TAC4: variants seen among roughly 807,000 people sequenced by gnomAD.
TAC4 encodes the protein tachykinin precursor 4.
A neutral mutation model predicts 17.7 loss-of-function variants in TAC4; 17 were observed. The observed-to-expected ratio is 0.96, with a 90% CI of 0.66 to 1.44. The LOEUF (loss-of-function observed/expected upper bound fraction) is 1.44, where lower values mean the gene tolerates loss of function less well. Ranked by LOEUF, TAC4 falls within the 40% of genes most tolerant of loss-of-function variation. TAC4 has a pLI of 0.00. For missense variants in TAC4, 118 were observed against 125.6 expected, an observed-to-expected ratio of 0.94 and a Z score of 0.29; for synonymous variants, 62 against 52.4, an observed-to-expected ratio of 1.18 and a Z score of -0.79.
intron 2 of TAC4, 117 bp from the exon 3 acceptor site, chr17:49,841,701 T>C (rs2074499487): frequency 1.9e-6 from 2 of 1,040,014 alleles, no homozygotes; most frequent in African/African-American, 3.4e-5. Flanking sequence ...TTCAGTAGAA[T>C]TCTAGTCATC....
At chr17:49,846,337 C>A in intron 1 of TAC4, 1 of 876,822 alleles carries the variant, frequency 1.1e-6, no homozygotes, top group Non-Finnish European at 1.6e-6. Flanking sequence ...AGTGCAGCAG[C>A]ACAAGCACGA....
At chr17:49,844,594 A>C (rs1197341596) in intron 1 of TAC4, among the ~76,000 whole-genome samples, 1 of 152,022 alleles carries the variant, frequency 6.6e-6, no homozygotes, top group Non-Finnish European at 1.5e-5. Flanking sequence ...CCCGTCTCTA[A>C]TAAAAATACA....
At position 49,847,954 on chromosome 17, in the gene TAC4, C is replaced by A; in HGVS notation, c.64G>T (p.Gly22Cys). Reference protein sequence around the residue: ...ELSVCTVAGDGGEEQTLSTEA... With the variant: ...ELSVCTVAGDCGEEQTLSTEA... ...GTGCTGAGTGTCTGTTCCTCTCCAC[C>A]ATCACCTGCCACAGTGCACACGGAC... The change falls in exon 1 of 5, where the codon GGT becomes TGT. Residue 22 changes from glycine (G) to cysteine (C), a missense_variant. Gly to Cys is a radical substitution (Grantham distance 159). Coordinates refer to ENST00000436235, the MANE Select transcript of TAC4 (RefSeq NM_001077506.2). 1.9e-6 allele frequency: 3 copies of A among 1,614,210 alleles called. No individual in the cohort carries two copies. The highest frequency in any genetic ancestry group is 2.5e-6 in the Non-Finnish European group (3 of 1,180,040).
intron 2 of TAC4, among the ~76,000 whole-genome samples, chr17:49,843,112 C>G (rs1177560802): frequency 6.6e-6 from 1 of 152,206 alleles, no homozygotes; most frequent in Non-Finnish European, 1.5e-5. Context: ...AAGCGAGACT[C>G]TGGGTCAGAA....
intron 3 of TAC4, 90 bp from the exon 4 acceptor site, chr17:49,839,999 G>A (rs2074485024): frequency 1.5e-6 from 2 of 1,311,580 alleles, no homozygotes; most frequent in South Asian, 1.3e-5. Context: ...CAGGGCCAGG[G>A]CGAGGGCCGG....
chr17:49,839,393 A>T (rs1470794461), intron 4 of TAC4, among the ~76,000 whole-genome samples: 2 of 152,202 alleles, frequency 1.3e-5, no homozygotes, highest in African/African-American at 4.8e-5. Flanking sequence ...ATAACTGCTT[A>T]TGGTGTTATT....
Position 49,848,052 on chromosome 17 carries a change from C to T in TAC4, c.-35G>A. The T allele has an allele frequency of 1.2e-6, 2 of 1,611,184 alleles. No individual in the cohort carries two copies. The highest frequency in any genetic ancestry group is 2.2e-5 in the South Asian group (2 of 90,920). On this transcript the variant is annotated 5_prime_UTR_variant, in exon 1 of 5. Transcript: ENST00000436235. ...GCACTGTCCTGGAATCTCTGGGAGC[C>T]CCTCTCAGCTTGAAGATGCCTCCTG... is the stretch of plus-strand genomic sequence containing the variant.
At chr17:49,840,280 C>T (rs887542769) in intron 3 of TAC4, among the ~76,000 whole-genome samples, 1 of 152,112 alleles carries the variant, frequency 6.6e-6, no homozygotes, top group Non-Finnish European at 1.5e-5. Flanking sequence ...CTATGTGACC[C>T]AGCAAGACAG....
chr17:49,841,721 C>T, intron 2 of TAC4, 137 bp from the exon 3 acceptor site: 3 of 857,692 alleles, frequency 3.5e-6, no homozygotes, highest in African/African-American at 1.8e-5. Flanking sequence ...CCCCAGTTAT[C>T]CTCTGTGGCA....
chr17:49,838,723 G>C, intron 4 of TAC4, 50 bp from the exon 5 acceptor site: 3 of 1,595,964 alleles, frequency 1.9e-6, no homozygotes, highest in Non-Finnish European at 2.6e-6. Flanking sequence ...GTCTTGTCTG[G>C]CTCCTCCACC....
intron 1 of TAC4, chr17:49,846,913 T>C (rs1361252776): frequency 7.9e-7 from 1 of 1,262,806 alleles, no homozygotes; most frequent in Non-Finnish European, 1.0e-6. Flanking sequence ...GGGGGTCACT[T>C]CCCTCCTCCG....
At position 49,839,276 on chromosome 17, in the gene TAC4, G is replaced by A. The variant is rs73337039; in HGVS notation, c.292+574C>T. Among the ~76,000 whole-genome samples, 1,314 of 152,220 alleles carry A rather than the reference G, an allele frequency of 8.6e-3. 20 individuals are homozygous for A. Among genetic ancestry groups the A allele is most frequent in the African/African-American group, 0.03 (1,237 of 41,522 alleles). ...TGACCTGCCGGGGCGCCCACTGCCC[G>A]CTCACTTGAGCTGTGACCTTTCCCC... On this transcript the variant is annotated intron_variant, in intron 4 of 4. Transcript: ENST00000436235.
intron 1 of TAC4, among the ~76,000 whole-genome samples, chr17:49,845,412 GAGTCGCTCCCTAGT>G (rs2074530405): frequency 1.3e-5 from 2 of 152,174 alleles, no homozygotes; most frequent in African/African-American, 4.8e-5. Context: ...TGCTGAAAGG[GAGTCGCTCCCTAGT>G]TGAGAGAGTG....
intron 1 of TAC4, among the ~76,000 whole-genome samples, chr17:49,844,554 T>G (rs1342723181): frequency 6.6e-6 from 1 of 151,710 alleles, no homozygotes; most frequent in Non-Finnish European, 1.5e-5. Context: ...GGTCAGGAGT[T>G]CGAGACCAGC....
intron 1 of TAC4, chr17:49,846,976 A>G: frequency 7.8e-7 from 1 of 1,289,474 alleles, no homozygotes; most frequent in Non-Finnish European, 1.0e-6. Context: ...CAGTGGAGAC[A>G]CTCCTAGCCC....
At chr17:49,841,672 G>T in intron 2 of TAC4, 88 bp from the exon 3 acceptor site, 1 of 1,363,978 alleles carries the variant, frequency 7.3e-7, no homozygotes, top group Non-Finnish European at 9.8e-7. Context: ...TTCTTTGAGG[G>T]TTGGTGCATT....
In TAC4 at chr17:49,838,338, T is replaced by C. The variant is rs1012592707; in HGVS notation, c.*304A>G. On this transcript the variant is annotated 3_prime_UTR_variant, in exon 5 of 5. Coordinates refer to ENST00000436235, the MANE Select transcript of TAC4 (RefSeq NM_001077506.2). Reference sequence around the variant, plus strand: ...CATTTATTGAGTGCCTACTGTGTGCTAGGCACAGGATACAGAGTGTGCGAG... The same window carrying C: ...CATTTATTGAGTGCCTACTGTGTGCCAGGCACAGGATACAGAGTGTGCGAG... 12 of 474,416 alleles carry C rather than the reference T, an allele frequency of 2.5e-5. No individual in the cohort carries two copies. The highest frequency in any genetic ancestry group is 3.7e-5 in the Non-Finnish European group (10 of 268,712). The allele number at this position is 474,416 out of a possible 1,614,324, so 29.4% of individuals were successfully genotyped here.
chr17:49,846,585 T>C (rs914583366), intron 1 of TAC4, among the ~76,000 whole-genome samples: 11 of 152,184 alleles, frequency 7.2e-5, no homozygotes, highest in Middle Eastern at 3.2e-3. Flanking sequence ...CCGTCACTTA[T>C]GTTATGCTTA....
At chr17:49,838,803 C>T in intron 4 of TAC4, 130 bp from the exon 5 acceptor site, 1 of 851,104 alleles carries the variant, frequency 1.2e-6, no homozygotes, top group South Asian at 1.8e-5. Flanking sequence ...CTGGAGATAT[C>T]TAGGGCAATG....
Sources: gnomAD v4.1 joint callset for allele counts (sites outside exome capture counted in the v4.1 genomes callset) on GRCh38, gnomAD v4.1.1 for gene constraint, MANE v1.5 for transcripts, NCBI Gene and HGNC (gene_info 2026-07-23, HGNC 2026-07-21) for gene names.